Variants in SORBS2 observed in about 807,000 individuals in gnomAD.
SORBS2 encodes the protein sorbin and SH3 domain-containing protein 2.
A neutral mutation model predicts 97.7 loss-of-function variants in SORBS2; 46 were observed. The ratio of observed to expected loss-of-function variants is 0.47; its 90% confidence interval spans 0.37 to 0.60. SORBS2 has a LOEUF of 0.60. Among genes scored for constraint, SORBS2 ranks in the 20% least tolerant of loss-of-function variants. The pLI is 0.00. For synonymous variants in SORBS2, 476 were observed against 473.4 expected (o/e 1.01, Z -0.07); for missense variants, 1,316 against 1,282.3 (o/e 1.03, Z -0.40).
At chr4:185,692,415 AG>A (rs1298534246) in intron 2 of SORBS2, among the ~76,000 whole-genome samples, 3 of 152,226 alleles carry the variant, frequency 2.0e-5, no homozygotes, top group Non-Finnish European at 4.4e-5. Flanking sequence ...TGATAAATAA[AG>A]ATTTTTTAGT....
chr4:185,825,240 T>C (rs1411653014), intron 1 of SORBS2, among the ~76,000 whole-genome samples: 1 of 149,404 alleles, frequency 6.7e-6, no homozygotes, highest in East Asian at 1.9e-4. Context: ...CTGAGTATCA[T>C]TTATAATTTC....
At chr4:185,805,869 A>G (rs1180537239) in intron 1 of SORBS2, among the ~76,000 whole-genome samples, 1 of 152,206 alleles carries the variant, frequency 6.6e-6, no homozygotes. Context: ...TAGCACAACA[A>G]CAGCTGAGGT....
At chr4:185,605,993 A>C (rs1187796561) in intron 12 of SORBS2, 6 of 550,440 alleles carry the variant, frequency 1.1e-5, no homozygotes, top group Non-Finnish European at 1.4e-5. Context: ...TAAGTAGTCA[A>C]TGTGAAGTCA....
chr4:185,814,709 G>T (rs7660420), intron 1 of SORBS2, among the ~76,000 whole-genome samples: 5,806 of 152,264 alleles, frequency 0.038, 137 homozygotes, highest in South Asian at 0.057. Context: ...CACTGAACCG[G>T]AACTGGGAAG....
intron 1 of SORBS2, among the ~76,000 whole-genome samples, chr4:185,877,259 T>A: frequency 6.6e-6 from 1 of 152,092 alleles, no homozygotes; most frequent in East Asian, 1.9e-4. Context: ...ATATTAGCTA[T>A]AAAATTAAAG....
intron 1 of SORBS2, chr4:185,894,389 A>G (rs1165614752): frequency 6.6e-6 from 1 of 152,230 alleles, no homozygotes; most frequent in Non-Finnish European, 1.5e-5. Flanking sequence ...GAAGTAAAAA[A>G]AAAAATAAAC....
At chr4:185,608,474 G>A (rs1317183493) in intron 12 of SORBS2, among the ~76,000 whole-genome samples, 2 of 150,828 alleles carry the variant, frequency 1.3e-5, no homozygotes, top group Non-Finnish European at 1.5e-5. Flanking sequence ...AATCAGAGGA[G>A]GTATGAGTTA....
chr4:185,718,398 T>A (rs1217610393), intron 2 of SORBS2, among the ~76,000 whole-genome samples: 1 of 152,286 alleles, frequency 6.6e-6, no homozygotes, highest in African/African-American at 2.4e-5. Flanking sequence ...GGATCAGTTG[T>A]ATAAAATTAC....
intron 2 of SORBS2, among the ~76,000 whole-genome samples, chr4:185,750,694 T>C (rs2098793383): frequency 6.6e-6 from 1 of 152,220 alleles, no homozygotes; most frequent in South Asian, 2.1e-4. Context: ...TCAACCTCTA[T>C]TGCTAGTTTG....
exon 1 of SORBS2, chr4:185,956,338 A>G (rs2099279506): frequency 6.6e-6 from 1 of 152,208 alleles, no homozygotes; most frequent in Non-Finnish European, 1.5e-5. Flanking sequence ...CATTTACGGC[A>G]TGTACGTGGT....
intron 4 of SORBS2, among the ~76,000 whole-genome samples, chr4:185,642,301 A>G (rs1051942349): frequency 1.3e-5 from 2 of 152,040 alleles, no homozygotes; most frequent in African/African-American, 4.8e-5. Flanking sequence ...TTCTGCTTTT[A>G]TCATTATGTT....
intron 4 of SORBS2, among the ~76,000 whole-genome samples, chr4:185,667,620 G>T (rs973773157): frequency 1.3e-5 from 2 of 150,484 alleles, no homozygotes; most frequent in Non-Finnish European, 3.0e-5. Flanking sequence ...TAAAAAGACA[G>T]ATTTTCTTGT....
At chr4:185,659,503 A>G (rs79798631), upstream of SORBS2, among the ~76,000 whole-genome samples, 24,246 of 150,016 alleles carry the variant, frequency 0.16, 2,084 homozygotes, top group East Asian at 0.26. Flanking sequence ...TGCAAGCTCC[A>G]CCTCCTGGGT....
In SORBS2 at chr4:185,751,190, A is replaced by AAAAAAAAAAAG; in HGVS notation, c.-198+24036_-198+24037insCTTTTTTTTTT. 2.8e-4 allele frequency among the ~76,000 whole-genome samples: 24 copies of AAAAAAAAAAAG among 86,468 alleles called. 1 individual carries two copies. The highest frequency in any genetic ancestry group is 4.5e-4 in the African/African-American group (11 of 24,428). The allele number at this position is 86,468 out of a possible 152,430, so 56.7% of individuals were successfully genotyped here. A position where few individuals can be genotyped will look rare whatever the true frequency, so the allele number is the denominator to read the frequency against. On this transcript the variant is annotated intron_variant, in intron 2 of 20. Transcript: ENST00000284776. ...TAAATACTAAAAAAAAAAAAAAAAA[A>AAAAAAAAAAAG]AGAGAAAGAGAGAGAAATTCAGGAA...
chr4:185,696,221 C>T (rs943755829), intron 2 of SORBS2, among the ~76,000 whole-genome samples: 3 of 152,042 alleles, frequency 2.0e-5, no homozygotes, highest in African/African-American at 7.2e-5. Flanking sequence ...GAAAAATTTC[C>T]TGAAAAAAGA....
chr4:185,849,750 T>C (rs989793370), intron 1 of SORBS2, among the ~76,000 whole-genome samples: 1 of 152,234 alleles, frequency 6.6e-6, no homozygotes, highest in Non-Finnish European at 1.5e-5. Flanking sequence ...AATGAATGTG[T>C]AACTATCAAA....
chr4:185,840,514 C>A (rs2099210857), intron 1 of SORBS2, among the ~76,000 whole-genome samples: 1 of 152,152 alleles, frequency 6.6e-6, no homozygotes, highest in Non-Finnish European at 1.5e-5. Context: ...TGGTTCAAAA[C>A]CCTTTTAGTT....
chr4:185,740,507 G>A (rs2098715630), intron 2 of SORBS2, among the ~76,000 whole-genome samples: 1 of 152,222 alleles, frequency 6.6e-6, no homozygotes, highest in African/African-American at 2.4e-5. Context: ...AAAGCTGAAA[G>A]TCAGTGAAAT....
chr4:185,708,045 C>A (rs1341527229), intron 2 of SORBS2, among the ~76,000 whole-genome samples: 1 of 152,154 alleles, frequency 6.6e-6, no homozygotes, highest in Non-Finnish European at 1.5e-5. Context: ...CTTTCTTCCC[C>A]TTGAAGGAGC....
Sources: gnomAD v4.1 joint callset for allele counts (sites outside exome capture counted in the v4.1 genomes callset) on GRCh38, gnomAD v4.1.1 for gene constraint, MANE v1.5 for transcripts, NCBI Gene and HGNC (gene_info 2026-07-23, HGNC 2026-07-21) for gene names.